Variants in HMGCLL1 observed in about 807,000 individuals in gnomAD.
HMGCLL1 encodes the protein 3-hydroxy-3-methylglutaryl-CoA lyase like 1.
A neutral mutation model predicts 39.1 loss-of-function variants in HMGCLL1; 36 were observed. The observed-to-expected ratio is 0.92, with a 90% CI of 0.71 to 1.22. The LOEUF is 1.22. Among genes scored for constraint, HMGCLL1 ranks in the 50% most tolerant of loss-of-function variants. The pLI is 0.00. For synonymous variants in HMGCLL1, 149 were observed against 144.0 expected, an observed-to-expected ratio of 1.03 and a Z score of -0.25; for missense variants, 451 against 416.5, an observed-to-expected ratio of 1.08 and a Z score of -0.72.
the HMGCLL1 span, among the ~76,000 whole-genome samples, chr6:55,660,049 G>GT: frequency 6.6e-6 from 1 of 151,636 alleles, no homozygotes; most frequent in Non-Finnish European, 1.5e-5. Flanking sequence ...CTTTTATCCT[G>GT]GCTAGATTGT....
intron 7 of HMGCLL1, 183 bp from the exon 8 acceptor site, chr6:55,439,742 G>A (rs747772863): frequency 2.6e-5 from 12 of 464,138 alleles, no homozygotes; most frequent in Admixed American, 3.8e-5. Context: ...GTCTAATCTC[G>A]TCTTTGAGGC....
the HMGCLL1 span, among the ~76,000 whole-genome samples, chr6:55,624,279 C>T: frequency 6.6e-6 from 1 of 152,140 alleles, no homozygotes; most frequent in Admixed American, 6.6e-5. Context: ...GAGAATGGCA[C>T]TGGATTATCA....
At chr6:55,607,285 T>C in the HMGCLL1 span, among the ~76,000 whole-genome samples, 14 of 152,238 alleles carry the variant, frequency 9.2e-5, no homozygotes, top group Non-Finnish European at 1.9e-4. Context: ...GAGCATTAAG[T>C]AGCTCTCAAC....
the HMGCLL1 span, among the ~76,000 whole-genome samples, chr6:55,649,393 T>C: frequency 8.6e-5 from 13 of 151,814 alleles, 1 homozygote; most frequent in African/African-American, 3.1e-4. Context: ...TTTTTTCCTT[T>C]CTCCACTTTA....
At chr6:55,511,750 C>T (rs1257604445) in intron 5 of HMGCLL1, among the ~76,000 whole-genome samples, 5 of 152,000 alleles carry the variant, frequency 3.3e-5, no homozygotes, top group Admixed American at 2.6e-4. Flanking sequence ...AAAATAAAAT[C>T]TTATTTAAAC....
At chr6:55,459,345 T>C (rs1371850121) in intron 7 of HMGCLL1, among the ~76,000 whole-genome samples, 2 of 152,072 alleles carry the variant, frequency 1.3e-5, no homozygotes, top group Non-Finnish European at 2.9e-5. Context: ...ATTAAGAGTT[T>C]AAGGGGGAAG....
At chr6:55,607,554 G>T in the HMGCLL1 span, among the ~76,000 whole-genome samples, 1 of 152,038 alleles carries the variant, frequency 6.6e-6, no homozygotes, top group African/African-American at 2.4e-5. Flanking sequence ...CTTTCTCACG[G>T]CCGCCCACAC....
intron 1 of HMGCLL1, among the ~76,000 whole-genome samples, chr6:55,550,528 C>A (rs79437838): frequency 0.02 from 3,013 of 151,984 alleles, 56 homozygotes; most frequent in South Asian, 0.093. Context: ...ATGGCAATAA[C>A]GTCCCGCAAA....
At chr6:55,575,401 C>A (rs1420923833) in intron 1 of HMGCLL1, among the ~76,000 whole-genome samples, 2 of 151,910 alleles carry the variant, frequency 1.3e-5, no homozygotes, top group Admixed American at 1.3e-4. Flanking sequence ...TTCATACACA[C>A]AATATTTAAT....
At chr6:55,470,338 A>G (rs1581818474) in intron 7 of HMGCLL1, among the ~76,000 whole-genome samples, 1 of 151,962 alleles carries the variant, frequency 6.6e-6, no homozygotes, top group Non-Finnish European at 1.5e-5. Context: ...TTGTGTAAAC[A>G]GGTCCTGGTG....
rs988309601 is a variant in HMGCLL1, at chr6:55,482,690, T to C, written c.795+12729A>G. 6.9e-4 allele frequency among the ~76,000 whole-genome samples: 105 copies of C among 152,222 alleles called. 1 individual carries two copies. Among genetic ancestry groups the C allele is most frequent in the African/African-American group, 2.5e-3 (104 of 41,570 alleles). ...ACTGAAAACATTTTACTAAGAAATG[T>C]GAGCTTTATTTAGTTATCTGTAGTT... On this transcript the variant is annotated intron_variant, in intron 7 of 8. Transcript: ENST00000274901.
At chr6:55,474,814 C>CA (rs764326774) in intron 7 of HMGCLL1, among the ~76,000 whole-genome samples, 3 of 151,574 alleles carry the variant, frequency 2.0e-5, no homozygotes, top group Non-Finnish European at 4.4e-5. Context: ...ATGTTTGCTG[C>CA]AGCTGTAACT....
chr6:55,654,779 A>T, the HMGCLL1 span, among the ~76,000 whole-genome samples: 3 of 151,850 alleles, frequency 2.0e-5, no homozygotes, highest in African/African-American at 7.2e-5. Context: ...TGCACATATC[A>T]CATTATCAAA....
the HMGCLL1 span, among the ~76,000 whole-genome samples, chr6:55,597,704 G>A: frequency 6.6e-6 from 1 of 151,892 alleles, no homozygotes; most frequent in Non-Finnish European, 1.5e-5. Flanking sequence ...CAAAGCTAAG[G>A]GCTTAAAGTT....
At chr6:55,477,240 TTTATATA>T (rs1765393010) in intron 7 of HMGCLL1, among the ~76,000 whole-genome samples, 1 of 19,060 alleles carries the variant, frequency 5.2e-5, no homozygotes, top group East Asian at 3.7e-3. Flanking sequence ...ATATATTATA[TTTATATA>T]ATATATAATA....
the HMGCLL1 span, among the ~76,000 whole-genome samples, chr6:55,644,821 T>C: frequency 6.6e-6 from 1 of 152,034 alleles, no homozygotes; most frequent in Non-Finnish European, 1.5e-5. Flanking sequence ...TTAGTTGAAG[T>C]CAGGTAATTT....
chr6:55,597,602 C>T, the HMGCLL1 span, among the ~76,000 whole-genome samples: 12,924 of 151,636 alleles, frequency 0.085, 751 homozygotes, highest in Non-Finnish European at 0.13. Flanking sequence ...TACGGAAATC[C>T]AAAAATTTGA....
chr6:55,603,734 T>C, the HMGCLL1 span, among the ~76,000 whole-genome samples: 1 of 152,172 alleles, frequency 6.6e-6, no homozygotes, highest in Non-Finnish European at 1.5e-5. Flanking sequence ...ACAGTGAGCG[T>C]ACTTAACTCT....
At chr6:55,541,578 T>A in intron 3 of HMGCLL1, 151 bp downstream of exon 3, 1 of 527,514 alleles carries the variant, frequency 1.9e-6, no homozygotes, top group Non-Finnish European at 3.3e-6. Flanking sequence ...CATCAAAGGG[T>A]TTTTATTTAA....
Sources: allele counts gnomAD v4.1 joint callset (sites outside exome capture counted in the v4.1 genomes callset), GRCh38; gene constraint gnomAD v4.1.1; transcripts MANE v1.5; gene names NCBI Gene and HGNC (gene_info 2026-07-23, HGNC 2026-07-21).